The following FLCN variants were observed in gnomAD, a reference collection of about 807,000 sequenced individuals.
The protein encoded by FLCN is BHD skin lesion fibrofolliculoma protein.
In FLCN, 22 loss-of-function variants were observed where a neutral mutation model predicts 62.5. That is an observed-to-expected ratio of 0.35 (90% CI 0.25 to 0.50). The LOEUF is 0.50. Ranked by LOEUF, FLCN falls within the 20% of genes least tolerant of loss-of-function variation. FLCN has a pLI of 0.97. For missense variants in FLCN, 657 were observed against 778.0 expected (o/e 0.84, Z 1.85); for synonymous variants, 319 against 310.0 (o/e 1.03, Z -0.30).
chr17:17,228,211 G>A, intron 3 of FLCN, 50 bp from the exon 4 acceptor site: 1 of 1,571,834 alleles, frequency 6.4e-7, no homozygotes, highest in Non-Finnish European at 8.6e-7. Flanking sequence ...TTGACTCCAT[G>A]AAACCTCCCC....
intron 11 of FLCN, 77 bp from the exon 12 acceptor site, chr17:17,215,393 C>T: frequency 1.2e-6 from 2 of 1,605,358 alleles, no homozygotes; most frequent in Non-Finnish European, 8.5e-7. Context: ...ACCGTGGGCC[C>T]CACTCCGCTC....
chr17:17,221,462 G>C, intron 8 of FLCN, 75 bp downstream of exon 8: 2 of 1,613,924 alleles, frequency 1.2e-6, no homozygotes, highest in Non-Finnish European at 1.7e-6. Context: ...AGCGATTCCT[G>C]CCAGGAGAGC....
chr17:17,218,083 C>G (rs895814693), intron 9 of FLCN, among the ~76,000 whole-genome samples: 2 of 152,228 alleles, frequency 1.3e-5, no homozygotes, highest in African/African-American at 4.8e-5. Flanking sequence ...ACAAATAACT[C>G]TCTTCTAATG....
At position 17,221,640 on chromosome 17, in the gene FLCN, A is replaced by G. The variant is rs756231564; in HGVS notation, c.780-12T>C. On this transcript the variant is annotated splice_polypyrimidine_tract_variant and intron_variant, in intron 7 of 13. Transcript: ENST00000285071. ...ACGCCTTCAGGAGCCTGGAGAACACAGCACCAGCTATGAGCGTTCTCGCCA... is the reference window on the plus strand; with the variant it reads ...ACGCCTTCAGGAGCCTGGAGAACACGGCACCAGCTATGAGCGTTCTCGCCA... 4.4e-6 allele frequency: 7 copies of G among 1,605,500 alleles called. No individual in the cohort carries two copies. The highest frequency in any genetic ancestry group is 2.2e-5 in the South Asian group (2 of 91,042).
Position 17,217,054 on chromosome 17 carries a change from A to G in FLCN, c.1176+15T>C, listed in dbSNP as rs550870270. On this transcript the variant is annotated intron_variant, in intron 10 of 13. Coordinates refer to ENST00000285071, the MANE Select transcript of FLCN (RefSeq NM_144997.7). ...ACTGCCCTGCGCCGCACACCTAAGG[A>G]AAAGATGTTCTCACCCGAAGTACTT... 144 of 1,583,966 alleles carry G rather than the reference A, an allele frequency of 9.1e-5. No homozygotes were observed. In the South Asian group the frequency reaches 1.5e-3, roughly 17 times the overall value.
chr17:17,218,859 C>G (rs1045387430), intron 9 of FLCN, among the ~76,000 whole-genome samples, 160 bp downstream of exon 9: 2 of 152,156 alleles, frequency 1.3e-5, no homozygotes, highest in African/African-American at 4.8e-5. Context: ...TGGCTAATAC[C>G]CCCAACGCCC....
intron 4 of FLCN, among the ~76,000 whole-genome samples, chr17:17,226,662 TG>T (rs1830802702): frequency 6.6e-6 from 1 of 152,160 alleles, no homozygotes; most frequent in Non-Finnish European, 1.5e-5. Flanking sequence ...AAGACAAAAC[TG>T]AGGCTGAAGT....
Position 17,216,500 on chromosome 17 carries a change from T to C in FLCN, c.1180A>G (p.Met394Val), listed in dbSNP as rs1383235698. The stretch of plus-strand genomic sequence containing the variant: ...ATGCGGACGCAGCCCACGGGAAGCA[T>C]GGTCTGAGGAGGACAGCAGGACTCA... ...VQSAFEVLRT[M>V]LPVGCVRIIP... The change falls in exon 11 of 14, where the codon ATG (methionine) becomes GTG (valine). Residue 394 changes from methionine (M) to valine (V), a missense_variant. Physicochemically the swap from Met to Val is conservative, Grantham distance 21 (BLOSUM62 1). Coordinates refer to ENST00000285071, the MANE Select transcript of FLCN (RefSeq NM_144997.7). This position sits in a 1 kb window ranked among gnomAD's most constrained non-coding sequence, Gnocchi z 4.0. The C allele has an allele frequency of 1.9e-6, 3 of 1,613,768 alleles. No individual in the cohort carries two copies. The highest frequency in any genetic ancestry group is 1.7e-5 in the Admixed American group (1 of 60,004).
At chr17:17,227,754 G>T in intron 4 of FLCN, 135 bp downstream of exon 4, 3 of 1,223,190 alleles carry the variant, frequency 2.5e-6, no homozygotes, top group Admixed American at 1.9e-5. Flanking sequence ...CAGTCAGGAT[G>T]AGCGGAAAGA....
chr17:17,229,196 G>GC (rs1567827029), intron 3 of FLCN: 1 of 152,464 alleles, frequency 6.6e-6, no homozygotes, highest in Non-Finnish European at 1.5e-5. Context: ...CGGGGCTGAC[G>GC]CATGGGACCT....
At chr17:17,236,471 C>G (rs1597640861) in intron 1 of FLCN, among the ~76,000 whole-genome samples, 2 of 152,306 alleles carry the variant, frequency 1.3e-5, no homozygotes, top group African/African-American at 4.8e-5. Context: ...TGCTAGTGAC[C>G]ACACCTTGGA....
chr17:17,223,897 C>G (rs776846709), intron 6 of FLCN, 25 bp downstream of exon 6: 2 of 1,612,696 alleles, frequency 1.2e-6, no homozygotes, highest in South Asian at 2.2e-5. Context: ...CCCCTGCCGC[C>G]CCGGCACCTC....
At position 17,226,275 on chromosome 17, in the gene FLCN, A is replaced by G. The variant is rs1597613086; in HGVS notation, c.297T>C (p.Asp99=). ...AAGHPGYISH[D]KETSIKYVSH... ...TGACGTATTTAATGGAGGTCTCTTT[A>G]TCATGGCTGATATATCCCGGGTGCC... The change falls in exon 5 of 14, where the codon GAT becomes GAC. Residue 99 remains aspartate, a synonymous_variant. Transcript: ENST00000285071. 2 of 1,614,192 alleles carry G rather than the reference A, an allele frequency of 1.2e-6. No individual in the cohort carries two copies. Among genetic ancestry groups the G allele is most frequent in the South Asian group, 1.1e-5 (1 of 91,086 alleles).
intron 1 of FLCN, among the ~76,000 whole-genome samples, chr17:17,235,256 G>C (rs932313573): frequency 1.3e-5 from 2 of 152,130 alleles, no homozygotes; most frequent in African/African-American, 4.8e-5. Context: ...CTCCAGCCTG[G>C]GCAATAAGAG....
chr17:17,214,278 T>C (rs907693191), intron 13 of FLCN, among the ~76,000 whole-genome samples: 1 of 148,874 alleles, frequency 6.7e-6, no homozygotes, highest in Admixed American at 6.6e-5. Context: ...CAGGAGGAAA[T>C]AAAGTAAATT....
At chr17:17,234,432 G>A (rs1250596964) in intron 1 of FLCN, among the ~76,000 whole-genome samples, 1 of 151,086 alleles carries the variant, frequency 6.6e-6, no homozygotes, top group Non-Finnish European at 1.5e-5. Flanking sequence ...GGCTGGTCTT[G>A]AACTCCTGAC....
chr17:17,233,422 C>G (rs942592524), intron 1 of FLCN, among the ~76,000 whole-genome samples: 1 of 151,566 alleles, frequency 6.6e-6, no homozygotes, highest in African/African-American at 2.4e-5. Flanking sequence ...ATGGTGAAAC[C>G]CCATCTCTAC....
chr17:17,221,177 A>T (rs2047073251), intron 8 of FLCN: 1 of 1,476,220 alleles, frequency 6.8e-7, no homozygotes, highest in Admixed American at 2.2e-5. Flanking sequence ...GAACTGAAAC[A>T]GAACACTTTA....
chr17:17,222,973 C>G (rs893440434), intron 6 of FLCN: 3 of 432,650 alleles, frequency 6.9e-6, no homozygotes, highest in Non-Finnish European at 1.3e-5. Context: ...CTGTCTCCAC[C>G]TCCCCTTCTG....
Sources: gnomAD v4.1 joint callset for allele counts (sites outside exome capture counted in the v4.1 genomes callset) on GRCh38, gnomAD v4.1.1 for gene constraint, Gnocchi (gnomAD v3.1) non-coding constraint, MANE v1.5 for transcripts, NCBI Gene and HGNC (gene_info 2026-07-23, HGNC 2026-07-21) for gene names.